The following TRAPPC10 variants were observed in gnomAD, a reference collection of about 807,000 sequenced individuals.
The protein encoded by TRAPPC10 is trafficking protein particle complex subunit 10.
A neutral mutation model predicts 125.5 loss-of-function variants in TRAPPC10; 23 were observed. That is an observed-to-expected ratio of 0.18 (90% CI 0.13 to 0.26). TRAPPC10 has a LOEUF of 0.26. Ranked by LOEUF, TRAPPC10 falls within the 10% of genes least tolerant of loss-of-function variation. The pLI is 1.00. For synonymous variants in TRAPPC10, 509 were observed against 518.0 expected (o/e 0.98, Z 0.24); for missense variants, 1,123 against 1,308.4 (o/e 0.86, Z 2.19).
At position 44,028,792 on chromosome 21, in the gene TRAPPC10, T is replaced by G. The variant is rs181591420; in HGVS notation, c.68-3299T>G. Among the ~76,000 whole-genome samples the G allele has an allele frequency of 3.6e-4, 55 of 152,314 alleles. 1 individual carries two copies. The Middle Eastern group carries it at 0.02, about 57-fold the overall frequency. On this transcript the variant is annotated intron_variant, in intron 1 of 22. Coordinates refer to ENST00000291574, the MANE Select transcript of TRAPPC10 (RefSeq NM_003274.5). ...TGGGTGACTTTGTGAACAGGGTTTCTGAGTGTGGGCACATCAGTCTCAAGC... is the reference window on the plus strand; with the variant it reads ...TGGGTGACTTTGTGAACAGGGTTTCGGAGTGTGGGCACATCAGTCTCAAGC...
chr21:44,073,759 TAA>T (rs2037060263), intron 7 of TRAPPC10, among the ~76,000 whole-genome samples: 1 of 152,172 alleles, frequency 6.6e-6, no homozygotes, highest in Admixed American at 6.5e-5. Context: ...TTCCCAAACA[TAA>T]ATATACTGTC....
At position 44,052,483 on chromosome 21, in the gene TRAPPC10, G is replaced by GT; in HGVS notation, c.482+8dup. 6.3e-7 allele frequency: 1 copy of GT among 1,591,032 alleles called. No individual in the cohort carries two copies. The highest frequency in any genetic ancestry group is 8.5e-7 in the Non-Finnish European group (1 of 1,171,266). The stretch of plus-strand genomic sequence containing the variant: ...GTAATAAACAGAGTGACAGGTAAGT[G>GT]TATCTTTAATTTTACCTCATTTGGT... On this transcript the variant is annotated splice_region_variant and intron_variant, in intron 4 of 22. Transcript: ENST00000291574.
At chr21:44,096,078 C>T (rs1354470410) in intron 20 of TRAPPC10, among the ~76,000 whole-genome samples, 1 of 64,014 alleles carries the variant, frequency 1.6e-5, no homozygotes, top group Admixed American at 1.8e-4. Context: ...GCACTTGTCT[C>T]ACTGTGTTTT....
chr21:44,025,550 G>A (rs2032959683), intron 1 of TRAPPC10, among the ~76,000 whole-genome samples: 1 of 152,212 alleles, frequency 6.6e-6, no homozygotes, highest in South Asian at 2.1e-4. Flanking sequence ...CTCTCTGAGG[G>A]CTAGAGAAGG....
chr21:44,086,288 G>C (rs1187724390), intron 15 of TRAPPC10, among the ~76,000 whole-genome samples: 5 of 152,230 alleles, frequency 3.3e-5, no homozygotes, highest in Non-Finnish European at 5.9e-5. Context: ...AGAGGCCTCA[G>C]CTCACTCCTG....
At chr21:44,032,990 C>T (rs992981941) in intron 2 of TRAPPC10, among the ~76,000 whole-genome samples, 6 of 152,186 alleles carry the variant, frequency 3.9e-5, no homozygotes, top group East Asian at 1.9e-4. Flanking sequence ...CAGCCATCAC[C>T]GTTGCTCTGT....
chr21:44,076,775 G>A lies in TRAPPC10; in HGVS notation c.1377+147G>A, dbSNP rs989153776. The A allele has an allele frequency of 8.1e-6, 5 of 616,822 alleles. No homozygotes were observed. The African/African-American group carries it at 9.3e-5, about 11-fold the overall frequency. The allele number at this position is 616,822 out of a possible 1,614,324, so 38.2% of individuals were successfully genotyped here. On this transcript the variant is annotated intron_variant, in intron 10 of 22. Transcript: ENST00000291574. ...TAGTTTCTTTGGTACCTGGGGAGTTGTGGACAAAACATGGAGTAGTTCATC... is the reference window on the plus strand; with the variant it reads ...TAGTTTCTTTGGTACCTGGGGAGTTATGGACAAAACATGGAGTAGTTCATC...
chr21:44,069,115 C>T (rs1248730867), intron 7 of TRAPPC10, among the ~76,000 whole-genome samples: 2 of 152,100 alleles, frequency 1.3e-5, no homozygotes, highest in African/African-American at 4.8e-5. Flanking sequence ...GGCAAATATT[C>T]CTTAAATAGG....
At position 44,079,625 on chromosome 21, in the gene TRAPPC10, G is replaced by T; in HGVS notation, c.1531G>T (p.Ala511Ser). ...YLQGALKNYL[A>S]EGWALPITHT... ...TCAAGGAGCACTGAAAAACTACCTG[G>T]CTGAGGGCTGGGCACTCCCCATCAC... Residue 511 changes from alanine (A) to serine (S), a missense_variant, in exon 12 of 23, where the codon GCT becomes TCT. Coordinates refer to ENST00000291574, the MANE Select transcript of TRAPPC10 (RefSeq NM_003274.5). 1 of 1,609,820 alleles carries T rather than the reference G, an allele frequency of 6.2e-7. No individual in the cohort carries two copies. Among genetic ancestry groups the T allele is most frequent in the Non-Finnish European group, 8.5e-7 (1 of 1,179,100 alleles).
chr21:44,070,369 C>T (rs534898664), intron 7 of TRAPPC10, among the ~76,000 whole-genome samples: 1 of 152,302 alleles, frequency 6.6e-6, no homozygotes, highest in South Asian at 2.1e-4. Flanking sequence ...AGATGATATC[C>T]AGATGGCCAA....
intron 11 of TRAPPC10, 163 bp from the exon 12 acceptor site, chr21:44,079,401 C>T: frequency 7.5e-6 from 5 of 668,730 alleles, no homozygotes; most frequent in South Asian, 7.1e-5. Flanking sequence ...TGAGTAGGTA[C>T]TCTTTCTCAC....
intron 3 of TRAPPC10, among the ~76,000 whole-genome samples, chr21:44,047,532 A>ATATGTGTGTGTGTGTGTGTG (rs1491372579): frequency 2.8e-5 from 4 of 142,826 alleles, no homozygotes; most frequent in African/African-American, 1.1e-4. Flanking sequence ...CTGGGGGAGT[A>ATATGTGTGTGTGTGTGTGTG]TGTGTGTGTG....
intron 1 of TRAPPC10, among the ~76,000 whole-genome samples, chr21:44,016,825 A>T (rs2031905901): frequency 6.6e-6 from 1 of 151,878 alleles, no homozygotes. Flanking sequence ...CGCCTGGCTA[A>T]TTTTTTGTAT....
At chr21:44,021,672 G>A (rs929386602) in intron 1 of TRAPPC10, among the ~76,000 whole-genome samples, 3 of 152,144 alleles carry the variant, frequency 2.0e-5, no homozygotes, top group African/African-American at 4.8e-5. Context: ...CCTACACACC[G>A]AAGCCCTGAC....
intron 1 of TRAPPC10, among the ~76,000 whole-genome samples, chr21:44,017,043 C>G (rs2031948073): frequency 6.6e-6 from 1 of 152,150 alleles, no homozygotes; most frequent in Non-Finnish European, 1.5e-5. Flanking sequence ...AGTTTTACTA[C>G]CAGAAAAGTC....
chr21:44,067,992 C>T (rs1011267700), intron 7 of TRAPPC10, among the ~76,000 whole-genome samples: 2 of 151,798 alleles, frequency 1.3e-5, no homozygotes, highest in Non-Finnish European at 2.9e-5. Context: ...TGATGGCAGG[C>T]GCCTGTAATC....
At chr21:44,086,693 G>A in intron 15 of TRAPPC10, 109 bp from the exon 16 acceptor site, 3 of 1,235,142 alleles carry the variant, frequency 2.4e-6, no homozygotes, top group Non-Finnish European at 3.4e-6. Flanking sequence ...TCCCAAAGGA[G>A]CAAATCTTTC....
chr21:44,081,022 T>C (rs1461604497), intron 13 of TRAPPC10, among the ~76,000 whole-genome samples: 52 of 137,178 alleles, frequency 3.8e-4, no homozygotes, highest in South Asian at 3.2e-3. Context: ...TTTTTCTTTT[T>C]TTTTTTTTTT....
intron 3 of TRAPPC10, among the ~76,000 whole-genome samples, 158 bp downstream of exon 3, chr21:44,038,085 G>T (rs1349554030): frequency 6.6e-6 from 1 of 152,092 alleles, no homozygotes; most frequent in Non-Finnish European, 1.5e-5. Context: ...AAGAGGACGC[G>T]CGGTGGGATG....
Sources: gnomAD v4.1 joint callset for allele counts (sites outside exome capture counted in the v4.1 genomes callset) on GRCh38, gnomAD v4.1.1 for gene constraint, MANE v1.5 for transcripts, NCBI Gene and HGNC (gene_info 2026-07-23, HGNC 2026-07-21) for gene names.